Variants in HECW1 observed in about 807,000 individuals in gnomAD.
HECW1 encodes E3 ubiquitin-protein ligase HECW1.
A neutral mutation model predicts 182.3 loss-of-function variants in HECW1; 61 were observed. The observed-to-expected ratio is 0.33, with a 90% CI of 0.27 to 0.41. The LOEUF (loss-of-function observed/expected upper bound fraction) is 0.41, where lower values mean the gene tolerates loss of function less well. Among genes scored for constraint, HECW1 ranks in the 10% least tolerant of loss-of-function variants. The pLI, the probability that HECW1 is intolerant of heterozygous loss-of-function variation, is 1.00. For synonymous variants in HECW1, 859 were observed against 832.6 expected, an observed-to-expected ratio of 1.03 and a Z score of -0.55; for missense variants, 1,739 against 2,108.9, an observed-to-expected ratio of 0.82 and a Z score of 3.44.
chr7:43,517,755 A>G (rs1045844753), intron 24 of HECW1, among the ~76,000 whole-genome samples: 1 of 152,022 alleles, frequency 6.6e-6, no homozygotes, highest in Admixed American at 6.6e-5. Context: ...GGGTTCTTTC[A>G]CGAACACCTA....
intron 24 of HECW1, among the ~76,000 whole-genome samples, chr7:43,526,985 C>T (rs886331704): frequency 2.6e-5 from 4 of 152,154 alleles, no homozygotes; most frequent in Admixed American, 2.0e-4. Context: ...CAGAGTGAGA[C>T]TCTGTCTCAA....
At chr7:43,415,180 C>G (rs1172850044) in intron 8 of HECW1, among the ~76,000 whole-genome samples, 1 of 150,866 alleles carries the variant, frequency 6.6e-6, no homozygotes, top group East Asian at 1.9e-4. Flanking sequence ...TTGTTCCTTT[C>G]CATGTTTAGC....
chr7:43,336,323 G>A (rs1035939906), intron 5 of HECW1, among the ~76,000 whole-genome samples: 12 of 151,318 alleles, frequency 7.9e-5, no homozygotes, highest in Admixed American at 2.6e-4. Context: ...ACACCACCAT[G>A]CCCAGCTACT....
At chr7:43,313,065 AAAGGGAT>A (rs1808735970) in intron 4 of HECW1, among the ~76,000 whole-genome samples, 1 of 152,204 alleles carries the variant, frequency 6.6e-6, no homozygotes, top group Non-Finnish European at 1.5e-5. Flanking sequence ...TGATAAAATA[AAAGGGAT>A]CTTAGCTGAC....
intron 13 of HECW1, among the ~76,000 whole-genome samples, chr7:43,463,316 T>C (rs2077650901): frequency 1.3e-5 from 2 of 152,190 alleles, no homozygotes; most frequent in African/African-American, 2.4e-5. Flanking sequence ...GATATCTTAG[T>C]TGTAGCATTT....
intron 12 of HECW1, 67 bp from the exon 13 acceptor site, chr7:43,456,230 G>A: frequency 1.3e-6 from 2 of 1,494,840 alleles, no homozygotes; most frequent in Non-Finnish European, 9.2e-7. Flanking sequence ...CTTGGAAGTT[G>A]TATGTGTTTC....
chr7:43,285,500 A>G (rs550301725), intron 3 of HECW1, among the ~76,000 whole-genome samples: 1 of 152,318 alleles, frequency 6.6e-6, no homozygotes, highest in Admixed American at 6.5e-5. Flanking sequence ...GCAGTCGGGA[A>G]TGAGCCCACC....
At position 43,500,791 on chromosome 7, in the gene HECW1, C is replaced by T. The variant is rs1389008103; in HGVS notation, c.3521+9C>T. 1.2e-6 allele frequency: 2 copies of T among 1,610,442 alleles called. No individual in the cohort carries two copies. Among genetic ancestry groups the T allele is most frequent in the African/African-American group, 1.3e-5 (1 of 74,786 alleles). ...CTGGTCATTTTGCTGAGGTAGGGGG[C>T]TAGGCCTGAAATCCTTCTGGAAAAG... On this transcript the variant is annotated intron_variant, in intron 20 of 29. Transcript: ENST00000395891.
intron 5 of HECW1, among the ~76,000 whole-genome samples, chr7:43,347,474 G>T (rs1410102653): frequency 6.6e-6 from 1 of 152,068 alleles, no homozygotes; most frequent in East Asian, 1.9e-4. Flanking sequence ...AGCAAACAGT[G>T]ACAGTTTGAC....
At chr7:43,388,209 C>G (rs760096819) in intron 6 of HECW1, among the ~76,000 whole-genome samples, 5 of 152,224 alleles carry the variant, frequency 3.3e-5, no homozygotes, top group Admixed American at 6.5e-5. Flanking sequence ...CATCCATCCA[C>G]TCCACATCCA....
Position 43,550,535 on chromosome 7 carries a change from C to A in HECW1, c.4339C>A (p.Arg1447=), listed in dbSNP as rs765023043. 6.2e-7 allele frequency: 1 copy of A among 1,612,462 alleles called. No individual in the cohort carries two copies. The highest frequency in any genetic ancestry group is 2.2e-5 in the East Asian group (1 of 44,860). Residue 1447 remains arginine, a synonymous_variant, in exon 27 of 30, where the codon CGG becomes AGG. Coordinates refer to ENST00000395891, the MANE Select transcript of HECW1 (RefSeq NM_015052.5). ...GTACATCGAGCGCATGGTGAAGTGGCGGGTGGAGCGCGGCGTGGTACAGCA... is the reference window on the plus strand; with the variant it reads ...GTACATCGAGCGCATGGTGAAGTGGAGGGTGGAGCGCGGCGTGGTACAGCA... ...KEYIERMVKW[R]VERGVVQQTE...
At chr7:43,490,612 T>C (rs2078891973) in intron 17 of HECW1, among the ~76,000 whole-genome samples, 1 of 152,150 alleles carries the variant, frequency 6.6e-6, no homozygotes, top group South Asian at 2.1e-4. Context: ...AAAAACAAAA[T>C]GTATGTAGAA....
chr7:43,328,316 AAAAAAC>A (rs1158874048), intron 5 of HECW1, among the ~76,000 whole-genome samples: 1 of 145,428 alleles, frequency 6.9e-6, no homozygotes, highest in African/African-American at 2.5e-5. Context: ...AACAAAAAAC[AAAAAAC>A]AAAAAAAACA....
At chr7:43,506,912 CA>C (rs997633348) in intron 21 of HECW1, among the ~76,000 whole-genome samples, 3 of 151,706 alleles carry the variant, frequency 2.0e-5, no homozygotes, top group African/African-American at 4.8e-5. Flanking sequence ...ACTAAAAATA[CA>C]AAAAAAATCA....
At chr7:43,542,041 C>T in intron 26 of HECW1, 43 bp downstream of exon 26, 3 of 1,441,914 alleles carry the variant, frequency 2.1e-6, no homozygotes, top group Admixed American at 5.3e-5. Flanking sequence ...TTGTTTTTTA[C>T]TATGGAAAAT....
chr7:43,235,898 T>C (rs1418687910), intron 2 of HECW1, among the ~76,000 whole-genome samples: 1 of 152,120 alleles, frequency 6.6e-6, no homozygotes, highest in Non-Finnish European at 1.5e-5. Flanking sequence ...ATTTCAAAAA[T>C]TAATGAAGTG....
chr7:43,321,927 CT>C (rs1562833662), intron 5 of HECW1, among the ~76,000 whole-genome samples: 1 of 152,204 alleles, frequency 6.6e-6, no homozygotes, highest in African/African-American at 2.4e-5. Flanking sequence ...ACCAATAGCT[CT>C]TTCTTGTGTT....
intron 2 of HECW1, among the ~76,000 whole-genome samples, chr7:43,186,668 CAAAAAAAAA>C (rs112678392): frequency 0.36 from 34,017 of 93,666 alleles, 4,096 homozygotes; most frequent in Non-Finnish European, 0.39. Flanking sequence ...GACTCCGTCT[CAAAAAAAAA>C]AAAAAAAAAA....
chr7:43,541,350 C>T, intron 25 of HECW1, 89 bp downstream of exon 25: 1 of 991,650 alleles, frequency 1.0e-6, no homozygotes, highest in Non-Finnish European at 1.6e-6. Flanking sequence ...CCTTTTGTCA[C>T]TATTTTGCCC....
Sources: allele counts gnomAD v4.1 joint callset (sites outside exome capture counted in the v4.1 genomes callset), GRCh38; gene constraint gnomAD v4.1.1; transcripts MANE v1.5; gene names NCBI Gene and HGNC (gene_info 2026-07-23, HGNC 2026-07-21).